The following SLC9A9 variants were observed in gnomAD, a reference collection of about 807,000 sequenced individuals.
SLC9A9 encodes the protein solute carrier family 9 member A9.
SLC9A9 carries 62 observed loss-of-function variants against 77.8 expected under a neutral mutation model. The observed-to-expected ratio is 0.80, with a 90% confidence interval of 0.65 to 0.98. The LOEUF is 0.98. Among genes scored for constraint, SLC9A9 ranks in the 50% least tolerant of loss-of-function variants. The pLI is 0.00. For missense variants in SLC9A9, 775 were observed against 774.9 expected, an observed-to-expected ratio of 1.00 and a Z score of 0.00; for synonymous variants, 320 against 283.5, an observed-to-expected ratio of 1.13 and a Z score of -1.29.
intron 12 of SLC9A9, among the ~76,000 whole-genome samples, chr3:143,390,581 T>A (rs1391118020): frequency 6.6e-6 from 1 of 152,152 alleles, no homozygotes; most frequent in Non-Finnish European, 1.5e-5. Flanking sequence ...TTCATCTCAC[T>A]GGGGCTTGTC....
intron 5 of SLC9A9, among the ~76,000 whole-genome samples, chr3:143,677,611 A>G (rs981635682): frequency 6.6e-6 from 1 of 152,316 alleles, no homozygotes; most frequent in South Asian, 2.1e-4. Flanking sequence ...AATGATTTAA[A>G]TGTTCTCTAG....
At chr3:143,578,333 C>T (rs1022179843) in intron 7 of SLC9A9, among the ~76,000 whole-genome samples, 2 of 152,134 alleles carry the variant, frequency 1.3e-5, no homozygotes, top group Admixed American at 1.3e-4. Flanking sequence ...TGTTGATGTC[C>T]TAGGATCAGA....
At chr3:143,465,494 G>C (rs1157052082) in intron 12 of SLC9A9, among the ~76,000 whole-genome samples, 1 of 152,202 alleles carries the variant, frequency 6.6e-6, no homozygotes, top group East Asian at 1.9e-4. Context: ...AAAAGAAATA[G>C]TAGAAAACAA....
intron 11 of SLC9A9, 22 bp from the exon 12 acceptor site, chr3:143,467,212 G>A: frequency 6.2e-7 from 1 of 1,614,062 alleles, no homozygotes; most frequent in South Asian, 1.1e-5. Flanking sequence ...AACCAAAGGA[G>A]AAAATAAATG....
intron 12 of SLC9A9, among the ~76,000 whole-genome samples, chr3:143,425,773 C>A (rs1329954203): frequency 2.0e-5 from 3 of 152,166 alleles, no homozygotes; most frequent in Non-Finnish European, 4.4e-5. Flanking sequence ...GGCCTTTTTA[C>A]TCTCTCATTT....
intron 6 of SLC9A9, among the ~76,000 whole-genome samples, chr3:143,641,298 T>A (rs1244536433): frequency 6.6e-5 from 10 of 151,964 alleles, no homozygotes; most frequent in Non-Finnish European, 1.5e-4. Context: ...TCTGAAATTG[T>A]TAAGGGCTAC....
chr3:143,637,085 T>C (rs2038535561), intron 6 of SLC9A9, among the ~76,000 whole-genome samples: 1 of 152,212 alleles, frequency 6.6e-6, no homozygotes, highest in African/African-American at 2.4e-5. Flanking sequence ...AACAGTGTTG[T>C]AACACCCCTC....
chr3:143,708,374 C>A (rs1488297411), intron 4 of SLC9A9, among the ~76,000 whole-genome samples: 1 of 152,170 alleles, frequency 6.6e-6, no homozygotes, highest in African/African-American at 2.4e-5. Flanking sequence ...CTAAAGGCAC[C>A]ATGTACCTCA....
chr3:143,661,381 C>T (rs1157890980), intron 5 of SLC9A9, among the ~76,000 whole-genome samples: 7 of 152,284 alleles, frequency 4.6e-5, no homozygotes, highest in South Asian at 4.1e-4. Flanking sequence ...CCCAAGGCCA[C>T]GGATGCTGTC....
intron 11 of SLC9A9, among the ~76,000 whole-genome samples, chr3:143,483,439 G>A (rs2035605664): frequency 6.6e-6 from 1 of 152,154 alleles, no homozygotes. Flanking sequence ...TCACCACCAT[G>A]AGATGAGTCA....
Position 143,640,301 on chromosome 3 carries a change from G to A in SLC9A9, c.755+11954C>T, listed in dbSNP as rs138597401. On this transcript the variant is annotated intron_variant, in intron 6 of 15. Coordinates refer to ENST00000316549, the MANE Select transcript of SLC9A9 (RefSeq NM_173653.4). ...TTCCCAAAGTGCTGGGATTACAGGC[G>A]TGAGCCACCGTGCGCAACCTTGTAA... Among the ~76,000 whole-genome samples the A allele has an allele frequency of 7.1e-3, 1,078 of 152,198 alleles. 11 individuals carry two copies. The highest frequency in any genetic ancestry group is 0.012 in the Non-Finnish European group (811 of 68,014).
intron 4 of SLC9A9, among the ~76,000 whole-genome samples, chr3:143,781,403 G>GC (rs148956505): frequency 0.028 from 4,313 of 152,184 alleles, 88 homozygotes; most frequent in African/African-American, 0.057. Context: ...CATGTAAAGG[G>GC]CCCAGTAGTG....
intron 4 of SLC9A9, among the ~76,000 whole-genome samples, chr3:143,746,236 C>A (rs1260789658): frequency 6.6e-6 from 1 of 152,118 alleles, no homozygotes; most frequent in East Asian, 1.9e-4. Context: ...GAGGTTCAGG[C>A]AAAAGATAAT....
intron 4 of SLC9A9, among the ~76,000 whole-genome samples, chr3:143,792,674 T>C (rs2008259216): frequency 6.6e-6 from 1 of 152,166 alleles, no homozygotes; most frequent in Non-Finnish European, 1.5e-5. Context: ...TTCAAAATAG[T>C]GATGTTCCCT....
chr3:143,654,543 GA>G (rs1430032624), intron 5 of SLC9A9, among the ~76,000 whole-genome samples: 2 of 152,184 alleles, frequency 1.3e-5, no homozygotes, highest in African/African-American at 2.4e-5. Flanking sequence ...CTCCTTTTTG[GA>G]TAGAGTTAAG....
chr3:143,684,373 A>G (rs1020605874), intron 5 of SLC9A9, among the ~76,000 whole-genome samples: 2 of 152,050 alleles, frequency 1.3e-5, no homozygotes, highest in Non-Finnish European at 2.9e-5. Context: ...GATTTTTAAA[A>G]TCTGAACTTG....
intron 13 of SLC9A9, among the ~76,000 whole-genome samples, chr3:143,377,752 G>C (rs931392360): frequency 3.3e-5 from 5 of 152,170 alleles, no homozygotes; most frequent in African/African-American, 1.2e-4. Flanking sequence ...TTACTTCCAA[G>C]CTCCAAACCA....
chr3:143,607,591 G>A (rs185371757), intron 6 of SLC9A9, among the ~76,000 whole-genome samples: 3 of 152,122 alleles, frequency 2.0e-5, no homozygotes, highest in African/African-American at 7.2e-5. Flanking sequence ...TGTATTCTAT[G>A]TTAATTATGT....
At chr3:143,719,172 G>A (rs16854196) in intron 4 of SLC9A9, among the ~76,000 whole-genome samples, 5,228 of 152,264 alleles carry the variant, frequency 0.034, 293 homozygotes, top group African/African-American at 0.12. Flanking sequence ...AAGGGCTCAG[G>A]TTTTCCTTGT....
Sources: gnomAD v4.1 joint callset for allele counts (sites outside exome capture counted in the v4.1 genomes callset) on GRCh38, gnomAD v4.1.1 for gene constraint, MANE v1.5 for transcripts, NCBI Gene and HGNC (gene_info 2026-07-23, HGNC 2026-07-21) for gene names.